Variants in FSIP1 observed in about 807,000 individuals in gnomAD.
FSIP1 encodes fibrous sheath interacting protein 1.
Under a neutral mutation model 60.9 loss-of-function variants are expected in FSIP1, and 65 were observed. The observed-to-expected ratio is 1.07, with a 90% CI of 0.87 to 1.31. The LOEUF is 1.31. Ranked by LOEUF, FSIP1 falls within the 40% of genes most tolerant of loss-of-function variation. FSIP1 has a pLI of 0.00. For missense variants in FSIP1, 675 were observed against 665.5 expected, an observed-to-expected ratio of 1.01 and a Z score of -0.16; for synonymous variants, 209 against 221.2, an observed-to-expected ratio of 0.94 and a Z score of 0.49.
intron 5 of FSIP1, among the ~76,000 whole-genome samples, chr15:39,744,777 T>TCACACA (rs55691651): frequency 0.013 from 1,750 of 138,036 alleles, 35 homozygotes; most frequent in African/African-American, 0.042. Context: ...TCCCCCTCAG[T>TCACACA]CACACACACA....
chr15:39,713,670 G>A, intron 9 of FSIP1, 89 bp from the exon 10 acceptor site: 3 of 1,194,626 alleles, frequency 2.5e-6, no homozygotes, highest in Non-Finnish European at 3.5e-6. Flanking sequence ...TTGAGGGTTA[G>A]CTTTGCTTCT....
chr15:39,734,611 C>T (rs975601181), intron 8 of FSIP1, among the ~76,000 whole-genome samples: 1 of 152,050 alleles, frequency 6.6e-6, no homozygotes, highest in Non-Finnish European at 1.5e-5. Flanking sequence ...AGAAAATACG[C>T]ATTTTAATGT....
At chr15:39,602,220 C>T (rs1295381117) in intron 11 of FSIP1, 1 of 407,836 alleles carries the variant, frequency 2.5e-6, no homozygotes, top group Non-Finnish European at 5.0e-6. Context: ...GAGATTAACA[C>T]ACACAGATGG....
At chr15:39,732,075 C>T (rs1205663038) in intron 8 of FSIP1, among the ~76,000 whole-genome samples, 8 of 152,112 alleles carry the variant, frequency 5.3e-5, no homozygotes, top group Non-Finnish European at 1.0e-4. Context: ...CACCTCAGAC[C>T]ATCAGGCATT....
At chr15:39,663,266 A>G (rs779645366) in intron 10 of FSIP1, among the ~76,000 whole-genome samples, 1 of 152,206 alleles carries the variant, frequency 6.6e-6, no homozygotes. Context: ...TATGTTTTCA[A>G]CAAAATCTAC....
chr15:39,621,399 C>T (rs866117760), intron 10 of FSIP1, among the ~76,000 whole-genome samples: 9 of 152,174 alleles, frequency 5.9e-5, no homozygotes, highest in Admixed American at 3.3e-4. Context: ...ACTACAATTA[C>T]CCTGATCCTC....
intron 5 of FSIP1, among the ~76,000 whole-genome samples, chr15:39,744,440 A>G (rs368328157): frequency 6.6e-6 from 1 of 152,114 alleles, no homozygotes; most frequent in Non-Finnish European, 1.5e-5. Flanking sequence ...CCAAATAAGG[A>G]CCTAGAGGAC....
intron 8 of FSIP1, 21 bp downstream of exon 8, chr15:39,738,070 T>A: frequency 6.9e-6 from 9 of 1,305,298 alleles, no homozygotes; most frequent in Non-Finnish European, 9.9e-6. Context: ...AGTGTAGTGT[T>A]CCCTATCAGA....
intron 10 of FSIP1, among the ~76,000 whole-genome samples, chr15:39,619,793 C>T (rs762626462): frequency 2.4e-4 from 37 of 151,982 alleles, no homozygotes; most frequent in African/African-American, 8.5e-4. Flanking sequence ...AGAAAGAGCC[C>T]GCTGAGTGTC....
chr15:39,759,428 C>T (rs775716322), intron 5 of FSIP1, among the ~76,000 whole-genome samples: 1 of 152,038 alleles, frequency 6.6e-6, no homozygotes, highest in Admixed American at 6.6e-5. Context: ...AAAATAACTA[C>T]AAAATCCATC....
chr15:39,745,120 C>A (rs1896950819), intron 5 of FSIP1, among the ~76,000 whole-genome samples: 1 of 129,016 alleles, frequency 7.8e-6, no homozygotes, highest in South Asian at 3.0e-4. Context: ...CATCCCCAGG[C>A]CATGATGCTA....
chr15:39,611,675 G>T (rs2140371035), intron 11 of FSIP1, among the ~76,000 whole-genome samples: 1 of 152,282 alleles, frequency 6.6e-6, no homozygotes, highest in Admixed American at 6.5e-5. Context: ...CAATTACCTT[G>T]AATGTAAATG....
At chr15:39,605,127 G>A (rs913214777) in intron 11 of FSIP1, among the ~76,000 whole-genome samples, 3 of 152,110 alleles carry the variant, frequency 2.0e-5, no homozygotes, top group Admixed American at 6.5e-5. Context: ...TTATATAGTC[G>A]TCATTATTAG....
intron 10 of FSIP1, among the ~76,000 whole-genome samples, chr15:39,687,462 T>G (rs1894428695): frequency 6.6e-6 from 1 of 152,196 alleles, no homozygotes; most frequent in Non-Finnish European, 1.5e-5. Context: ...CTTTCACCTT[T>G]CTAAACTGAC....
intron 9 of FSIP1, among the ~76,000 whole-genome samples, chr15:39,723,126 A>G (rs1389653186): frequency 6.6e-6 from 1 of 152,236 alleles, no homozygotes; most frequent in African/African-American, 2.4e-5. Context: ...AAAGAACCTT[A>G]AAGAATATTA....
chr15:39,689,307 G>A (rs767475334), intron 10 of FSIP1, among the ~76,000 whole-genome samples: 1 of 152,100 alleles, frequency 6.6e-6, no homozygotes, highest in Non-Finnish European at 1.5e-5. Context: ...CATGATTTAG[G>A]GGTGTTTATG....
chr15:39,762,770 G>A (rs1415169363), intron 5 of FSIP1, among the ~76,000 whole-genome samples: 1 of 152,140 alleles, frequency 6.6e-6, no homozygotes, highest in Non-Finnish European at 1.5e-5. Flanking sequence ...AATCAAAGTT[G>A]TTCCAGGATA....
intron 10 of FSIP1, among the ~76,000 whole-genome samples, chr15:39,693,343 T>C (rs1894681391): frequency 6.6e-6 from 1 of 152,178 alleles, no homozygotes; most frequent in African/African-American, 2.4e-5. Context: ...TAAAAATGAT[T>C]TGAAGCAACC....
chr15:39,763,067 G>T (rs556910736), intron 5 of FSIP1, among the ~76,000 whole-genome samples: 202 of 152,172 alleles, frequency 1.3e-3, no homozygotes, highest in Non-Finnish European at 2.5e-3. Flanking sequence ...ATTAATAGTG[G>T]TTATCTCTAC....
Sources: gnomAD v4.1 joint callset for allele counts (sites outside exome capture counted in the v4.1 genomes callset) on GRCh38, gnomAD v4.1.1 for gene constraint, MANE v1.5 for transcripts, NCBI Gene and HGNC (gene_info 2026-07-23, HGNC 2026-07-21) for gene names.